PTPRE: variants seen among roughly 807,000 people sequenced by gnomAD.
PTPRE encodes receptor-type tyrosine-protein phosphatase epsilon.
In PTPRE, 51 loss-of-function variants were observed where a neutral mutation model predicts 102.0. The observed-to-expected ratio is 0.50, with a 90% CI of 0.40 to 0.63. The LOEUF (loss-of-function observed/expected upper bound fraction) is 0.63, where lower values mean the gene tolerates loss of function less well. Ranked by LOEUF, PTPRE falls within the 30% of genes least tolerant of loss-of-function variation. The pLI, the probability that PTPRE is intolerant of heterozygous loss-of-function variation, is 0.00. For synonymous variants in PTPRE, 345 were observed against 348.2 expected (o/e 0.99, Z 0.10); for missense variants, 752 against 915.1 (o/e 0.82, Z 2.30).
At chr10:128,041,057 G>A (rs1590107022) in intron 3 of PTPRE, 67 bp downstream of exon 3, 1 of 1,324,966 alleles carries the variant, frequency 7.5e-7, no homozygotes, top group Non-Finnish European at 1.1e-6. Context: ...CCATTCAGAG[G>A]GTGATAAAGG....
intron 1 of PTPRE, among the ~76,000 whole-genome samples, chr10:127,923,044 T>C (rs1489266657): frequency 6.6e-6 from 1 of 152,230 alleles, no homozygotes; most frequent in Non-Finnish European, 1.5e-5. Flanking sequence ...TGTGGCTAAC[T>C]TGAGCGTCTG....
chr10:128,041,040 C>T, intron 3 of PTPRE, 50 bp downstream of exon 3: 1 of 1,505,330 alleles, frequency 6.6e-7, no homozygotes, highest in Non-Finnish European at 9.2e-7. Flanking sequence ...CTCCTAAGCT[C>T]CTGGGACCAT....
chr10:128,042,927 A>T (rs188711273), intron 3 of PTPRE, among the ~76,000 whole-genome samples: 10 of 152,374 alleles, frequency 6.6e-5, no homozygotes, highest in Non-Finnish European at 1.5e-4. Context: ...TTCACTAATC[A>T]TGAAAAGATG....
At chr10:128,055,388 G>GC (rs1341930371) in intron 6 of PTPRE, among the ~76,000 whole-genome samples, 10 of 152,310 alleles carry the variant, frequency 6.6e-5, no homozygotes, top group African/African-American at 2.4e-4. Context: ...GGGGATAGGG[G>GC]CCCCGCGGCA....
At chr10:127,908,815 C>T (rs1479236070) in intron 1 of PTPRE, among the ~76,000 whole-genome samples, 7 of 152,210 alleles carry the variant, frequency 4.6e-5, no homozygotes, top group Admixed American at 4.6e-4. Flanking sequence ...CCACCGCCCC[C>T]TCCCTGCCCC....
intron 2 of PTPRE, among the ~76,000 whole-genome samples, chr10:128,034,908 G>T (rs1847085140): frequency 6.6e-6 from 1 of 152,216 alleles, no homozygotes; most frequent in Non-Finnish European, 1.5e-5. Context: ...AATGTGTGCT[G>T]AGAATAAGTA....
At chr10:127,934,786 G>C (rs1847718362) in intron 1 of PTPRE, 1 of 152,298 alleles carries the variant, frequency 6.6e-6, no homozygotes, top group African/African-American at 2.4e-5. Flanking sequence ...CAGCATATGT[G>C]CGTGGGAACT....
chr10:127,935,963 G>C (rs755526742), intron 1 of PTPRE: 3 of 152,264 alleles, frequency 2.0e-5, no homozygotes, highest in Non-Finnish European at 2.9e-5. Context: ...TCTCACCTCA[G>C]GTGCCTTCCT....
Position 127,914,843 on chromosome 10 carries a change from C to T in PTPRE, c.-31+7534C>T, listed in dbSNP as rs61517152. On this transcript the variant is annotated intron_variant, in intron 1 of 20. Transcript: ENST00000254667. The stretch of plus-strand genomic sequence containing the variant: ...GAATGTGAGCCCTGCTTGCTGGGCA[C>T]GAGATAAGGACCAAGGATTGACCCA... Among the ~76,000 whole-genome samples the T allele has an allele frequency of 9.0e-3, 1,375 of 152,198 alleles. 10 individuals are homozygous for T. The highest frequency in any genetic ancestry group is 0.041 in the East Asian group (213 of 5,170).
In PTPRE at chr10:127,962,790, G is replaced by C. The variant is rs111272084; in HGVS notation, c.-30-19484G>C. On this transcript the variant is annotated intron_variant, in intron 1 of 20. Transcript: ENST00000254667. ...AGTGGGCAGAGGCCGGGGATGCAGC[G>C]GAACAGCCTACAGTACCAGGCAGTC... Among the ~76,000 whole-genome samples the C allele has an allele frequency of 7.4e-3, 1,134 of 152,326 alleles. 11 individuals are homozygous for C. The highest frequency in any genetic ancestry group is 0.014 in the Middle Eastern group (4 of 294).
chr10:127,942,380 C>G (rs1848312793), intron 1 of PTPRE, among the ~76,000 whole-genome samples: 1 of 152,188 alleles, frequency 6.6e-6, no homozygotes, highest in Non-Finnish European at 1.5e-5. Flanking sequence ...GTACGACATC[C>G]TCGATTTATA....
chr10:128,063,128 A>C lies in PTPRE; in HGVS notation c.671A>C (p.Glu224Ala), dbSNP rs1174215144. The change falls in exon 10 of 21, where the codon GAG becomes GCG. Residue 224 changes from glutamate to alanine, a missense_variant. Transcript: ENST00000254667. ...TVNDFWRMVW[E>A]QKSATIVMLT... The stretch of plus-strand genomic sequence containing the variant: ...AACGACTTCTGGAGAATGGTCTGGG[A>C]GCAAAAGTCTGCGACCATCGTCATG... 9 of 1,614,070 alleles carry C rather than the reference A, an allele frequency of 5.6e-6. No homozygotes were observed. The highest frequency in any genetic ancestry group is 7.6e-6 in the Non-Finnish European group (9 of 1,180,048).
At chr10:127,910,699 A>G (rs761840315) in intron 1 of PTPRE, among the ~76,000 whole-genome samples, 1 of 152,204 alleles carries the variant, frequency 6.6e-6, no homozygotes, top group Non-Finnish European at 1.5e-5. Flanking sequence ...TAGGATACAT[A>G]TAATTGACAG....
intron 3 of PTPRE, among the ~76,000 whole-genome samples, chr10:128,044,865 A>C (rs1207178755): frequency 6.6e-6 from 1 of 152,258 alleles, no homozygotes; most frequent in African/African-American, 2.4e-5. Context: ...AAATGTTTTT[A>C]AATTGAATTT....
Sources: allele counts gnomAD v4.1 joint callset (sites outside exome capture counted in the v4.1 genomes callset), GRCh38; gene constraint gnomAD v4.1.1; transcripts MANE v1.5; gene names NCBI Gene and HGNC (gene_info 2026-07-23, HGNC 2026-07-21).